The following SHE variants were observed in gnomAD, a reference collection of about 807,000 sequenced individuals.
SHE encodes Src homology 2 domain containing E.
SHE carries 11 observed loss-of-function variants against 49.8 expected under a neutral mutation model. That is an observed-to-expected ratio of 0.22 (90% confidence interval 0.14 to 0.37). The LOEUF (loss-of-function observed/expected upper bound fraction) is 0.37, where lower values mean the gene tolerates loss of function less well. Among genes scored for constraint, SHE ranks in the 10% least tolerant of loss-of-function variants. The pLI is 1.00. For synonymous variants in SHE, 310 were observed against 278.1 expected, an observed-to-expected ratio of 1.11 and a Z score of -1.14; for missense variants, 624 against 655.5, an observed-to-expected ratio of 0.95 and a Z score of 0.52.
rs141364236 is a variant in SHE at position 154,488,163 on chromosome 1, C to T, written c.1024+888G>A. Among the ~76,000 whole-genome samples the T allele has an allele frequency of 2.1e-3, 320 of 151,754 alleles. 7 individuals are homozygous for T. The East Asian group carries it at 0.05, about 24-fold the overall frequency. On this transcript the variant is annotated intron_variant, in intron 3 of 5. Coordinates refer to ENST00000304760, the MANE Select transcript of SHE (RefSeq NM_001010846.3). ...TCACCATGTTGGCCAGGATGGTCTC[C>T]AGCTCTTGACCTCATGATCTGCCTG...
At chr1:154,472,101 A>G (rs1217023453) in intron 1 of SHE, among the ~76,000 whole-genome samples, 1 of 149,376 alleles carries the variant, frequency 6.7e-6, no homozygotes, top group Non-Finnish European at 1.5e-5. Flanking sequence ...TGAACCTGGG[A>G]GGTAGAGGTT....
At chr1:154,491,282 A>G (rs1401585600) in intron 2 of SHE, among the ~76,000 whole-genome samples, 1 of 152,190 alleles carries the variant, frequency 6.6e-6, no homozygotes, top group Non-Finnish European at 1.5e-5. Flanking sequence ...GGAGGCTTAC[A>G]TGAGTAGGTC....
chr1:154,484,278 T>A lies in SHE; in HGVS notation c.1359A>T (p.Thr453=), dbSNP rs1342114505. Residue 453 remains threonine, a synonymous_variant, in exon 6 of 6, where the codon ACA becomes ACT. Transcript: ENST00000304760. ...CAAACACAGCGCTTGTCTGATTCAG[T>A]GTGTATTTGTTGTCTTTGGTCTGAG... The part of the protein sequence containing the change: ...IVAQTKDNKY[T]LNQTSAVFDS... 1 of 1,614,204 alleles carries A rather than the reference T, an allele frequency of 6.2e-7. No individual in the cohort carries two copies.
At chr1:154,501,325 C>T in intron 1 of SHE, 111 bp downstream of exon 1, 1 of 986,234 alleles carries the variant, frequency 1.0e-6, no homozygotes, top group Non-Finnish European at 1.5e-6. Flanking sequence ...GAGAAAGGAC[C>T]TTAGGAAACC....
chr1:154,483,480 G>A lies in SHE; in HGVS notation c.*669C>T. On this transcript the variant is annotated 3_prime_UTR_variant, in exon 6 of 6. Coordinates refer to ENST00000304760, the MANE Select transcript of SHE (RefSeq NM_001010846.3). ...AGCCACGTGGATTTTTTGTTGGTTT[G>A]TTTAGAGACCAGGTATTCCAGGTAA... The A allele has an allele frequency of 1.0e-6, 1 of 985,354 alleles. No individual in the cohort carries two copies. The highest frequency in any genetic ancestry group is 1.2e-6 in the Non-Finnish European group (1 of 829,938). The allele number at this position is 985,354 out of a possible 1,614,324, so 61.0% of individuals were successfully genotyped here. A position where few individuals can be genotyped will look rare whatever the true frequency, so the allele number is the denominator to read the frequency against.
At chr1:154,499,278 G>T (rs147173179) in intron 1 of SHE, 40 bp from the exon 2 acceptor site, 155 of 1,582,750 alleles carry the variant, frequency 9.8e-5, no homozygotes, top group Non-Finnish European at 1.3e-4. Flanking sequence ...AAGGGCCACC[G>T]TATACCAAAA....
Position 154,489,341 on chromosome 1 carries a change from C to T in SHE, c.734G>A (p.Gly245Asp). ...AGCCTTCACCAGGGGATCTTTGGAA[C>T]CCCGTCGTCTAATTTCTGAAAAACA... is the stretch of plus-strand genomic sequence containing the variant. ...QQMITEIRRR[G>D]SKDPLVKALQ... is the part of the protein sequence containing the mutation. The change falls in exon 3 of 6, where the codon GGT (glycine) becomes GAT (aspartate). Residue 245 changes from glycine to aspartate, a missense_variant. Physicochemically the swap from Gly to Asp is moderately conservative, Grantham distance 94. Coordinates refer to ENST00000304760, the MANE Select transcript of SHE (RefSeq NM_001010846.3). The T allele has an allele frequency of 6.2e-7, 1 of 1,612,890 alleles. No homozygotes were observed. Among genetic ancestry groups the T allele is most frequent in the Admixed American group, 1.7e-5 (1 of 59,714 alleles).
Position 154,483,981 on chromosome 1 carries a change from C to T in SHE, c.*168G>A, listed in dbSNP as rs1012867714. On this transcript the variant is annotated 3_prime_UTR_variant, in exon 6 of 6. Coordinates refer to ENST00000304760, the MANE Select transcript of SHE (RefSeq NM_001010846.3). ...CCATTGCACTCCAGCCTGGGCAACA[C>T]AGCGAGACTTCGTCTCAAACAAAAC... 2.1e-6 allele frequency: 3 copies of T among 1,414,634 alleles called. No individual in the cohort carries two copies. The highest frequency in any genetic ancestry group is 2.9e-5 in the African/African-American group (2 of 69,362). 87.6% of individuals were successfully genotyped at this position (1,414,634 alleles called of 1,614,324 possible).
intron 3 of SHE, among the ~76,000 whole-genome samples, chr1:154,487,003 G>A (rs1176643068): frequency 6.6e-6 from 1 of 152,156 alleles, no homozygotes; most frequent in Non-Finnish European, 1.5e-5. Context: ...GCCGGGCACG[G>A]TGGCTCATGC....
rs1001353981 is a variant in SHE at position 154,495,989 on chromosome 1, C to T, written c.718+3123G>A. Among the ~76,000 whole-genome samples, 20 of 152,198 alleles carry T rather than the reference C, an allele frequency of 1.3e-4. No individual in the cohort carries two copies. The East Asian group carries it at 3.1e-3, about 23-fold the overall frequency. ...TTTCTCAAGAAAGACGGGAAATTTC[C>T]GAACTTGGACTTGACAATCAGGTAC... On this transcript the variant is annotated intron_variant, in intron 2 of 5. Coordinates refer to ENST00000304760, the MANE Select transcript of SHE (RefSeq NM_001010846.3).
At chr1:154,473,634 C>T (rs1319027228) in intron 1 of SHE, among the ~76,000 whole-genome samples, 2 of 151,942 alleles carry the variant, frequency 1.3e-5, no homozygotes, top group African/African-American at 4.8e-5. Flanking sequence ...AAAACCCTGT[C>T]TCTACTAAAA....
chr1:154,489,029 G>A lies in SHE; in HGVS notation c.1024+22C>T, dbSNP rs549789380. ...CAGAAGACTGAAGTCACACTGGGGC[G>A]GGCCTGGCCTGGCGCCCTCACCTGA... On this transcript the variant is annotated intron_variant, in intron 3 of 5. Coordinates refer to ENST00000304760, the MANE Select transcript of SHE (RefSeq NM_001010846.3). 2.9e-5 allele frequency: 44 copies of A among 1,528,636 alleles called. No individual in the cohort carries two copies. The East Asian group carries it at 7.5e-4, about 26-fold the overall frequency. 94.7% of individuals were successfully genotyped at this position (1,528,636 alleles called of 1,614,324 possible).
rs199788379 is a variant in SHE, at chr1:154,499,105, T to C, written c.718+7A>G. The stretch of plus-strand genomic sequence containing the variant: ...CAGTCTCTATTCTGTAGAGCCTGCT[T>C]ACAAACCTGTTATCATTTGCTGTGC... On this transcript the variant is annotated splice_region_variant and intron_variant, in intron 2 of 5. Transcript: ENST00000304760. 1.2e-6 allele frequency: 2 copies of C among 1,613,922 alleles called. No individual in the cohort carries two copies. The highest frequency in any genetic ancestry group is 8.5e-7 in the Non-Finnish European group (1 of 1,179,876).
intron 2 of SHE, among the ~76,000 whole-genome samples, chr1:154,493,221 T>G (rs1325858172): frequency 6.6e-6 from 1 of 152,164 alleles, no homozygotes; most frequent in Non-Finnish European, 1.5e-5. Flanking sequence ...AAACAATGTT[T>G]AATTAGGGGA....
Position 154,501,809 on chromosome 1 carries a change from C to G in SHE, c.218G>C (p.Gly73Ala). The G allele has an allele frequency of 6.4e-7, 1 of 1,550,550 alleles. No homozygotes were observed. Among genetic ancestry groups the G allele is most frequent in the Non-Finnish European group, 8.7e-7 (1 of 1,155,792 alleles). ...GCCCTTGCCAGGACCCGGCCCAGCG[C>G]CGCCCGCCTCCGAGTTCTTGCGCAA... Reference protein sequence around the residue: ...GKLRKNSEAGGAGPGPGKGRK... With the variant: ...GKLRKNSEAGAAGPGPGKGRK... The change falls in exon 1 of 6, where the codon GGC becomes GCC. Residue 73 changes from glycine to alanine, a missense_variant. Physicochemically the swap from Gly to Ala is moderately conservative, Grantham distance 60. Around this residue, in one of 4 missense-constraint regions of SHE, gnomAD observed 337 missense variants for 306.0 expected, o/e 1.10. Coordinates refer to ENST00000304760, the MANE Select transcript of SHE (RefSeq NM_001010846.3).
At position 154,481,423 on chromosome 1, in the gene SHE, C is replaced by T; in HGVS notation, c.*2726G>A. 1.0e-6 allele frequency: 1 copy of T among 985,408 alleles called. No homozygotes were observed. The highest frequency in any genetic ancestry group is 1.2e-6 in the Non-Finnish European group (1 of 829,926). 61.0% of individuals were successfully genotyped at this position (985,408 alleles called of 1,614,324 possible). ...TAATTCTATAAAGAATATAGTATGA[C>T]TTGTCACAGAGAAACAGTATAGAAG... On this transcript the variant is annotated 3_prime_UTR_variant, in exon 6 of 6. Coordinates refer to ENST00000304760, the MANE Select transcript of SHE (RefSeq NM_001010846.3).
chr1:154,486,029 A>C lies in SHE; in HGVS notation c.1215T>G (p.Ala405=). ...CTTTGCAGGGCTGTAGTCGACTCTC[A>C]GCCTCAGCACGGCTGATGGCACCAT... ...WYHGAISRAE[A]ESRLQPCKEA... Residue 405 remains alanine (A), a synonymous_variant, in exon 5 of 6, where the codon GCT becomes GCG. Transcript: ENST00000304760. 1 of 1,614,046 alleles carries C rather than the reference A, an allele frequency of 6.2e-7. No homozygotes were observed. Among genetic ancestry groups the C allele is most frequent in the Non-Finnish European group, 8.5e-7 (1 of 1,179,918 alleles).
In SHE at chr1:154,501,512, G is replaced by A. The variant is rs1205638954; in HGVS notation, c.515C>T (p.Ser172Phe). The change falls in exon 1 of 6, where the codon TCT becomes TTT. Residue 172 changes from serine (S) to phenylalanine (F), a missense_variant. By Grantham distance (155) the Ser-to-Phe change is radical (BLOSUM62 -2). Transcript: ENST00000304760. Reference sequence around the variant, plus strand: ...GGAAGGGGAAGAGGACGCGGAGGAAGAGGAGCTGGAGCTGGAGCTACTGCT... The same window carrying A: ...GGAAGGGGAAGAGGACGCGGAGGAAAAGGAGCTGGAGCTGGAGCTACTGCT... ...PSSSSSSSSS[S>F]SSASSSPSSL... 3 of 1,614,110 alleles carry A rather than the reference G, an allele frequency of 1.9e-6. No individual in the cohort carries two copies.
At chr1:154,475,353 A>G (rs1394273508), downstream of SHE, among the ~76,000 whole-genome samples, 1 of 152,018 alleles carries the variant, frequency 6.6e-6, no homozygotes, top group East Asian at 1.9e-4. Flanking sequence ...TGCCTGGCTA[A>G]TTTTGTATTT....
Sources: gnomAD v4.1 joint callset for allele counts (sites outside exome capture counted in the v4.1 genomes callset) on GRCh38, gnomAD v4.1.1 for gene constraint, gnomAD v4.1.1 regional missense constraint, MANE v1.5 for transcripts, NCBI Gene and HGNC (gene_info 2026-07-23, HGNC 2026-07-21) for gene names.